Variants in DLGAP2 observed in about 807,000 individuals in gnomAD.
DLGAP2 encodes the protein disks large-associated protein 2.
A neutral mutation model predicts 100.3 loss-of-function variants in DLGAP2; 26 were observed. That is an observed-to-expected ratio of 0.26 (90% CI 0.19 to 0.36). DLGAP2 has a LOEUF of 0.36. Among genes scored for constraint, DLGAP2 ranks in the 10% least tolerant of loss-of-function variants. The pLI is 1.00. For missense variants in DLGAP2, 1,858 were observed against 1,453.2 expected (o/e 1.28, Z -4.53); for synonymous variants, 886 against 630.1 (o/e 1.41, Z -6.08).
chr8:1,070,887 G>A (rs183659445), intron 2 of DLGAP2, among the ~76,000 whole-genome samples: 6 of 152,326 alleles, frequency 3.9e-5, no homozygotes, highest in African/African-American at 7.2e-5. Context: ...CACAATTGCC[G>A]ACAAGCACTG....
chr8:1,270,595 C>A lies in DLGAP2; in HGVS notation c.106+11712C>A, dbSNP rs10101171. On this transcript the variant is annotated intron_variant, in intron 3 of 14. Coordinates refer to ENST00000637795, the MANE Select transcript of DLGAP2 (RefSeq NM_001346810.2). ...TGCCATTAATTTGAAGTGGGGGCTT[C>A]TTAAGAACGTAACTTCTCTGACCCT... Among the ~76,000 whole-genome samples, 1,351 of 152,234 alleles carry A rather than the reference C, an allele frequency of 8.9e-3. 12 individuals are homozygous for A. Among genetic ancestry groups the A allele is most frequent in the Middle Eastern group, 0.041 (12 of 294 alleles).
At chr8:1,506,492 C>T (rs188565465) in intron 4 of DLGAP2, among the ~76,000 whole-genome samples, 8 of 152,236 alleles carry the variant, frequency 5.3e-5, no homozygotes, top group Middle Eastern at 3.4e-3. Flanking sequence ...TGCAGATCTT[C>T]GCGGTGAGTG....
chr8:1,359,718 G>T (rs1057228369), intron 3 of DLGAP2, among the ~76,000 whole-genome samples: 1 of 152,236 alleles, frequency 6.6e-6, no homozygotes, highest in Non-Finnish European at 1.5e-5. Flanking sequence ...TATAAAACCC[G>T]CGCGTTCCCT....
chr8:747,312 A>G (rs1034762344), intron 1 of DLGAP2, among the ~76,000 whole-genome samples: 3 of 150,732 alleles, frequency 2.0e-5, no homozygotes, highest in African/African-American at 7.3e-5. Flanking sequence ...GGAAGGAGAA[A>G]CCTCCTCTGA....
intron 2 of DLGAP2, among the ~76,000 whole-genome samples, chr8:1,231,199 T>G (rs1427627136): frequency 6.6e-6 from 1 of 152,160 alleles, no homozygotes; most frequent in African/African-American, 2.4e-5. Context: ...CAGACATTTC[T>G]CTAAAGACAT....
intron 3 of DLGAP2, among the ~76,000 whole-genome samples, chr8:1,459,843 G>A (rs1389607221): frequency 2.0e-5 from 3 of 151,864 alleles, no homozygotes; most frequent in African/African-American, 4.8e-5. Context: ...GCACCACCAC[G>A]CCCGGCTAAT....
intron 1 of DLGAP2, among the ~76,000 whole-genome samples, chr8:882,421 ACCCTCGCCTGATCCAGC>A: frequency 7.4e-6 from 1 of 135,014 alleles, no homozygotes; most frequent in Admixed American, 7.3e-5. Context: ...TCCTGCGCGC[ACCCTCGCCTGATCCAGC>A]GGTACCTCTC....
intron 2 of DLGAP2, among the ~76,000 whole-genome samples, chr8:1,112,564 G>A (rs925022951): frequency 6.6e-6 from 1 of 152,116 alleles, no homozygotes; most frequent in Admixed American, 6.5e-5. Flanking sequence ...TTTTAATAGG[G>A]TTGTTTTTCT....
intron 2 of DLGAP2, among the ~76,000 whole-genome samples, chr8:1,200,198 A>T (rs1797840589): frequency 6.6e-6 from 1 of 152,172 alleles, no homozygotes; most frequent in South Asian, 2.1e-4. Flanking sequence ...ACCGTGCAGC[A>T]CCGGGTGTCA....
chr8:804,902 C>G (rs565818296), intron 1 of DLGAP2, among the ~76,000 whole-genome samples: 1 of 152,256 alleles, frequency 6.6e-6, no homozygotes, highest in African/African-American at 2.4e-5. Flanking sequence ...GTAGCTGGGA[C>G]TGCAGGTGTG....
intron 3 of DLGAP2, among the ~76,000 whole-genome samples, chr8:1,416,074 T>G (rs1796873953): frequency 6.6e-6 from 1 of 152,216 alleles, no homozygotes; most frequent in Non-Finnish European, 1.5e-5. Context: ...AAGATGTTAT[T>G]AGATGACAAA....
At chr8:1,318,658 G>T (rs10093869) in intron 3 of DLGAP2, among the ~76,000 whole-genome samples, 1 of 151,510 alleles carries the variant, frequency 6.6e-6, no homozygotes, top group Admixed American at 6.6e-5. Context: ...GTGGCTATAA[G>T]TTAAATACTG....
chr8:1,028,690 A>G (rs140816783), intron 2 of DLGAP2, among the ~76,000 whole-genome samples: 3 of 152,234 alleles, frequency 2.0e-5, no homozygotes, highest in Admixed American at 6.5e-5. Context: ...GTGGAGACAA[A>G]GGAGGCTGGT....
rs536630887 is a variant in DLGAP2, at chr8:1,556,387, C to T, written c.1230+6704C>T. Among the ~76,000 whole-genome samples the T allele has an allele frequency of 9.9e-5, 15 of 151,992 alleles. No individual in the cohort carries two copies. The South Asian group carries it at 1.5e-3, about 15-fold the overall frequency. On this transcript the variant is annotated intron_variant, in intron 5 of 14. Transcript: ENST00000637795. ...CTGCTCCTGCAGGAGTGCAGGTGGA[C>T]GGGGTTTGGCTCTGACCTCTTCCTC...
intron 2 of DLGAP2, chr8:927,334 T>G: frequency 1.4e-6 from 1 of 731,086 alleles, no homozygotes; most frequent in Non-Finnish European, 1.7e-6. Context: ...ATTCAATGAC[T>G]AAAAATGACC....
chr8:1,363,392 C>T (rs1226065088), intron 3 of DLGAP2, among the ~76,000 whole-genome samples: 4 of 152,052 alleles, frequency 2.6e-5, no homozygotes, highest in African/African-American at 9.7e-5. Context: ...CCTGCGGCTG[C>T]CTCTCCTGCC....
At chr8:948,789 C>T (rs1194515515) in intron 2 of DLGAP2, among the ~76,000 whole-genome samples, 1 of 152,276 alleles carries the variant, frequency 6.6e-6, no homozygotes, top group African/African-American at 2.4e-5. Context: ...TTGTCAGACA[C>T]TGCCTTTCGC....
intron 3 of DLGAP2, among the ~76,000 whole-genome samples, chr8:1,494,292 G>A (rs576579714): frequency 3.4e-4 from 52 of 152,296 alleles, no homozygotes; most frequent in Non-Finnish European, 6.8e-4. Flanking sequence ...TTTTGCTTCC[G>A]CATTAGCATG....
intron 3 of DLGAP2, chr8:1,380,916 T>G (rs1796077860): frequency 8.8e-6 from 1 of 113,168 alleles, no homozygotes; most frequent in Non-Finnish European, 1.7e-5. Context: ...CAGAACCGGT[T>G]AGGATGTTTT....
Sources: allele counts gnomAD v4.1 joint callset (sites outside exome capture counted in the v4.1 genomes callset), GRCh38; gene constraint gnomAD v4.1.1; transcripts MANE v1.5; gene names NCBI Gene and HGNC (gene_info 2026-07-23, HGNC 2026-07-21).